The following TBC1D15 variants were observed in gnomAD, a reference collection of about 807,000 sequenced individuals.
TBC1D15 encodes the protein TBC1 domain family member 15, also known as GAP for RAB7.
A neutral mutation model predicts 95.4 loss-of-function variants in TBC1D15; 39 were observed. The ratio of observed to expected loss-of-function variants is 0.41; its 90% CI spans 0.32 to 0.53. The LOEUF (loss-of-function observed/expected upper bound fraction) is 0.53, where lower values mean the gene tolerates loss of function less well. Ranked by LOEUF, TBC1D15 falls within the 20% of genes least tolerant of loss-of-function variation. The pLI is 0.29. For synonymous variants in TBC1D15, 258 were observed against 261.3 expected (o/e 0.99, Z 0.12); for missense variants, 733 against 794.3 (o/e 0.92, Z 0.93).
chr12:71,851,869 G>A (rs536678911), intron 1 of TBC1D15, among the ~76,000 whole-genome samples: 71 of 152,322 alleles, frequency 4.7e-4, no homozygotes, highest in South Asian at 8.3e-4. Context: ...TTTCCAGGCT[G>A]AGAGTGCAAG....
intron 11 of TBC1D15, among the ~76,000 whole-genome samples, chr12:71,911,334 T>C (rs1902239794): frequency 6.6e-6 from 1 of 152,102 alleles, no homozygotes; most frequent in African/African-American, 2.4e-5. Flanking sequence ...GTATGTTTAT[T>C]GTGGCACTAT....
Position 71,920,725 on chromosome 12 carries a change from C to T in TBC1D15, c.1600-6C>T. The stretch of plus-strand genomic sequence containing the variant: ...ATTTGCAAAATAGTTCTTCTGCCTT[C>T]TATAGGTAATGTGGACCGAACTACC... On this transcript the variant is annotated splice_region_variant and splice_polypyrimidine_tract_variant and intron_variant, in intron 14 of 16. Coordinates refer to ENST00000485960, the MANE Select transcript of TBC1D15 (RefSeq NM_001146213.3). 6.2e-7 allele frequency: 1 copy of T among 1,601,974 alleles called. No individual in the cohort carries two copies. The highest frequency in any genetic ancestry group is 8.5e-7 in the Non-Finnish European group (1 of 1,170,540).
intron 11 of TBC1D15, chr12:71,913,320 T>A (rs1183007894): frequency 6.6e-6 from 1 of 152,422 alleles, no homozygotes; most frequent in Non-Finnish European, 1.5e-5. Context: ...AACCCAAAGT[T>A]CTTGTTTTAT....
chr12:71,863,069 A>G (rs868554085), intron 1 of TBC1D15, among the ~76,000 whole-genome samples: 2 of 152,276 alleles, frequency 1.3e-5, no homozygotes, highest in African/African-American at 2.4e-5. Flanking sequence ...CCTGGCCTAT[A>G]AGATTTCTAA....
chr12:71,907,142 A>T lies in TBC1D15; in HGVS notation c.1300+4A>T. 3 of 1,471,004 alleles carry T rather than the reference A, an allele frequency of 2.0e-6. No homozygotes were observed. Among genetic ancestry groups the T allele is most frequent in the Non-Finnish European group, 1.9e-6 (2 of 1,066,518 alleles). 91.1% of individuals were successfully genotyped at this position (1,471,004 alleles called of 1,614,324 possible). On this transcript the variant is annotated splice_donor_region_variant and intron_variant, in intron 11 of 16. Transcript: ENST00000485960. ...TGTATGTATGATTTTGATTTAGGTA[A>T]GTTCTCTAAAGTTCTAATTTTAAAA...
intron 1 of TBC1D15, among the ~76,000 whole-genome samples, chr12:71,866,160 G>C (rs1472975107): frequency 1.3e-5 from 2 of 152,160 alleles, no homozygotes. Context: ...CCAGTGGGCT[G>C]GGGTGGTTCG....
rs901468386 is a variant in TBC1D15 at position 71,877,192 on chromosome 12, A to ATG, written c.205-3259_205-3258dup. Among the ~76,000 whole-genome samples, 122 of 141,824 alleles carry ATG rather than the reference A, an allele frequency of 8.6e-4. 1 individual carries two copies. The highest frequency in any genetic ancestry group is 2.7e-3 in the South Asian group (12 of 4,510). The allele number at this position is 141,824 out of a possible 152,430, so 93.0% of individuals were successfully genotyped here. A position where few individuals can be genotyped will look rare whatever the true frequency, so the allele number is the denominator to read the frequency against. Reference sequence around the variant, plus strand: ...GCATTCTAATTCCTGATCCCATGTTATGTGTGTGTGTGTGTGTGTTTTTTT... The same window carrying ATG: ...GCATTCTAATTCCTGATCCCATGTTATGTGTGTGTGTGTGTGTGTGTTTTTTT... On this transcript the variant is annotated intron_variant, in intron 3 of 16. Transcript: ENST00000485960.
At chr12:71,853,217 G>A (rs983525392) in intron 1 of TBC1D15, among the ~76,000 whole-genome samples, 1 of 152,176 alleles carries the variant, frequency 6.6e-6, no homozygotes, top group Admixed American at 6.5e-5. Flanking sequence ...AATAGAGAGA[G>A]GGGAGGTGCC....
intron 10 of TBC1D15, among the ~76,000 whole-genome samples, chr12:71,905,411 A>C (rs1023080297): frequency 2.6e-5 from 4 of 152,002 alleles, no homozygotes; most frequent in African/African-American, 9.7e-5. Context: ...CTGCAGCCTC[A>C]ACTTCCTGGG....
chr12:71,850,289 T>C lies in TBC1D15; in HGVS notation c.30+10478T>C, dbSNP rs559138684. 14 of 500,368 alleles carry C rather than the reference T, an allele frequency of 2.8e-5. No individual in the cohort carries two copies. In the Admixed American group the frequency reaches 3.1e-4, roughly 11 times the overall value. 31.0% of individuals were successfully genotyped at this position (500,368 alleles called of 1,614,324 possible). A position where few individuals can be genotyped will look rare whatever the true frequency, so the allele number is the denominator to read the frequency against. On this transcript the variant is annotated intron_variant, in intron 1 of 16. Transcript: ENST00000485960. ...TGTCAAATTTTGTCATGGTAAATAC[T>C]GGGGCTATACTGGCTAGAGTGGTTT...
chr12:71,918,417 G>A (rs754925857), intron 13 of TBC1D15, 34 bp from the exon 14 acceptor site: 4 of 1,323,998 alleles, frequency 3.0e-6, no homozygotes, highest in Non-Finnish European at 4.2e-6. Flanking sequence ...TAGCATAAGA[G>A]TAAGTCATAT....
chr12:71,870,514 A>G (rs1390269666), intron 1 of TBC1D15, among the ~76,000 whole-genome samples: 1 of 152,194 alleles, frequency 6.6e-6, no homozygotes, highest in African/African-American at 2.4e-5. Context: ...TAATTACTTA[A>G]AAGACTGTTT....
chr12:71,896,287 G>A (rs1341381507), intron 8 of TBC1D15: 1 of 446,950 alleles, frequency 2.2e-6, no homozygotes, highest in Non-Finnish European at 3.9e-6. Context: ...TGCTTATGAT[G>A]TTCCTGGGGG....
chr12:71,871,218 G>C (rs983413063), intron 1 of TBC1D15, among the ~76,000 whole-genome samples: 1 of 152,008 alleles, frequency 6.6e-6, no homozygotes, highest in Non-Finnish European at 1.5e-5. Flanking sequence ...ATTTATTCAA[G>C]GATTATGTCT....
At chr12:71,862,702 G>T (rs187681063) in intron 1 of TBC1D15, among the ~76,000 whole-genome samples, 1 of 152,148 alleles carries the variant, frequency 6.6e-6, no homozygotes, top group East Asian at 1.9e-4. Context: ...TGGTTGTTTT[G>T]TATATCCTTT....
intron 10 of TBC1D15, among the ~76,000 whole-genome samples, chr12:71,903,897 T>A (rs555749532): frequency 6.6e-6 from 1 of 152,272 alleles, no homozygotes; most frequent in South Asian, 2.1e-4. Context: ...AACTACATAT[T>A]GGGTGTTATG....
intron 10 of TBC1D15, among the ~76,000 whole-genome samples, chr12:71,901,865 T>G (rs1899467676): frequency 6.6e-6 from 1 of 152,160 alleles, no homozygotes; most frequent in African/African-American, 2.4e-5. Context: ...CAAAGGCTCC[T>G]AGATCTGATA....
chr12:71,916,839 C>A (rs142875507), intron 12 of TBC1D15, among the ~76,000 whole-genome samples: 31 of 152,232 alleles, frequency 2.0e-4, no homozygotes, highest in African/African-American at 7.5e-4. Context: ...AGTTCCCAAA[C>A]TTTGTGACCT....
At chr12:71,922,105 G>A (rs949790641) in intron 16 of TBC1D15, among the ~76,000 whole-genome samples, 1 of 151,876 alleles carries the variant, frequency 6.6e-6, no homozygotes. Context: ...TTTTTTTTGA[G>A]ACAGAGTCTT....
Sources: gnomAD v4.1 joint callset for allele counts (sites outside exome capture counted in the v4.1 genomes callset) on GRCh38, gnomAD v4.1.1 for gene constraint, MANE v1.5 for transcripts, NCBI Gene and HGNC (gene_info 2026-07-23, HGNC 2026-07-21) for gene names.